The following CACNA2D3 variants were observed in gnomAD, a reference collection of about 807,000 sequenced individuals.
The protein encoded by CACNA2D3 is calcium voltage-gated channel auxiliary subunit alpha2delta 3.
A neutral mutation model predicts 160.6 loss-of-function variants in CACNA2D3; 60 were observed. That is an observed-to-expected ratio of 0.37 (90% CI 0.30 to 0.46). CACNA2D3 has a LOEUF of 0.46. Among genes scored for constraint, CACNA2D3 ranks in the 20% least tolerant of loss-of-function variants. The probability of loss-of-function intolerance (pLI) is 1.00; values close to 1 mark genes in which losing one functional copy is unlikely to be tolerated. For missense variants in CACNA2D3, 1,205 were observed against 1,365.0 expected (o/e 0.88, Z 1.85); for synonymous variants, 558 against 492.9 (o/e 1.13, Z -1.75).
At chr3:54,315,367 G>C (rs567192359) in intron 2 of CACNA2D3, among the ~76,000 whole-genome samples, 2 of 152,226 alleles carry the variant, frequency 1.3e-5, no homozygotes, top group Non-Finnish European at 2.9e-5. Flanking sequence ...TGGAACAGTC[G>C]TGTAAACTGC....
intron 14 of CACNA2D3, among the ~76,000 whole-genome samples, chr3:54,820,052 A>G (rs1267308725): frequency 6.6e-6 from 1 of 152,060 alleles, no homozygotes; most frequent in Non-Finnish European, 1.5e-5. Flanking sequence ...GCTCTTTCCA[A>G]ACCCCTGAGT....
rs183750577 is a variant in CACNA2D3 at position 54,788,178 on chromosome 3, G to A, written c.1380+23827G>A. Among the ~76,000 whole-genome samples the A allele has an allele frequency of 1.6e-3, 238 of 152,272 alleles. 5 individuals are homozygous for A. The highest frequency in any genetic ancestry group is 0.015 in the Admixed American group (237 of 15,294). Reference sequence around the variant, plus strand: ...TTTAACTGAGTAATCTCATCTGTCAGTCATGATATTACTGTGGGTCATAAG... The same window carrying A: ...TTTAACTGAGTAATCTCATCTGTCAATCATGATATTACTGTGGGTCATAAG... On this transcript the variant is annotated intron_variant, in intron 13 of 37. Coordinates refer to ENST00000474759, the MANE Select transcript of CACNA2D3 (RefSeq NM_018398.3).
At chr3:54,425,009 C>T (rs570352005) in intron 4 of CACNA2D3, among the ~76,000 whole-genome samples, 1 of 152,278 alleles carries the variant, frequency 6.6e-6, no homozygotes, top group East Asian at 1.9e-4. Context: ...TTGAAGCAGC[C>T]TCAGCTAGTG....
At chr3:54,164,356 G>A (rs1330496517) in intron 2 of CACNA2D3, among the ~76,000 whole-genome samples, 1 of 152,286 alleles carries the variant, frequency 6.6e-6, no homozygotes, top group African/African-American at 2.4e-5. Flanking sequence ...CTCTGCTGCC[G>A]CAGGATGGGA....
At chr3:54,201,070 G>A (rs951920093) in intron 2 of CACNA2D3, among the ~76,000 whole-genome samples, 1 of 152,214 alleles carries the variant, frequency 6.6e-6, no homozygotes, top group African/African-American at 2.4e-5. Flanking sequence ...GAGACGCTCT[G>A]TAAATGTGAA....
chr3:54,161,133 C>T (rs1367126140), intron 2 of CACNA2D3, among the ~76,000 whole-genome samples: 1 of 152,126 alleles, frequency 6.6e-6, no homozygotes, highest in African/African-American at 2.4e-5. Flanking sequence ...GAAATTATTC[C>T]CTTCACACAC....
chr3:54,961,269 A>G (rs1702024069), intron 27 of CACNA2D3, among the ~76,000 whole-genome samples: 1 of 152,226 alleles, frequency 6.6e-6, no homozygotes, highest in Non-Finnish European at 1.5e-5. Flanking sequence ...TAACCAAGCC[A>G]TGTAAAAATA....
At chr3:54,410,227 A>T (rs1029453025) in intron 4 of CACNA2D3, among the ~76,000 whole-genome samples, 4 of 152,050 alleles carry the variant, frequency 2.6e-5, no homozygotes, top group Non-Finnish European at 4.4e-5. Context: ...GGTGGCTTGC[A>T]TGTGTAATAC....
intron 13 of CACNA2D3, among the ~76,000 whole-genome samples, chr3:54,766,722 A>G (rs1243824056): frequency 6.6e-6 from 1 of 152,154 alleles, no homozygotes; most frequent in African/African-American, 2.4e-5. Context: ...TGAATAGACT[A>G]TGGTACCTAC....
chr3:54,741,642 G>A (rs1275706980), intron 11 of CACNA2D3, among the ~76,000 whole-genome samples: 1 of 151,812 alleles, frequency 6.6e-6, no homozygotes, highest in Non-Finnish European at 1.5e-5. Flanking sequence ...CTCTGCAGTG[G>A]TCCTCTTTGT....
At chr3:54,935,481 G>GA (rs1701304690) in intron 27 of CACNA2D3, among the ~76,000 whole-genome samples, 1 of 152,324 alleles carries the variant, frequency 6.6e-6, no homozygotes, top group African/African-American at 2.4e-5. Context: ...AACGGATCAA[G>GA]AAACATGGCA....
chr3:54,148,974 C>CTAAAAAAAAAAAAAAAAA (rs1553735007), intron 2 of CACNA2D3, among the ~76,000 whole-genome samples: 1 of 116,588 alleles, frequency 8.6e-6, no homozygotes. Flanking sequence ...AAAACTCCAT[C>CTAAAAAAAAAAAAAAAAA]AAAAAAAAAA....
At chr3:54,650,411 G>A (rs985888831) in intron 11 of CACNA2D3, among the ~76,000 whole-genome samples, 7 of 151,028 alleles carry the variant, frequency 4.6e-5, no homozygotes, top group African/African-American at 1.7e-4. Context: ...GCCCAGGCTG[G>A]AGTGTAGTGG....
intron 5 of CACNA2D3, among the ~76,000 whole-genome samples, chr3:54,551,232 C>G (rs1429783775): frequency 6.6e-6 from 1 of 152,198 alleles, no homozygotes; most frequent in Non-Finnish European, 1.5e-5. Context: ...CCTCTGCGTT[C>G]TGCAGATTCC....
chr3:54,338,636 C>T (rs185171635), intron 3 of CACNA2D3, among the ~76,000 whole-genome samples: 7 of 152,182 alleles, frequency 4.6e-5, no homozygotes, highest in Admixed American at 2.6e-4. Context: ...AAGGGCTTGT[C>T]GCTTATGGGC....
At chr3:54,495,651 A>C (rs1379281910) in intron 4 of CACNA2D3, among the ~76,000 whole-genome samples, 1 of 152,164 alleles carries the variant, frequency 6.6e-6, no homozygotes, top group Non-Finnish European at 1.5e-5. Context: ...TGGGAGGCTG[A>C]AGCAGGAGGA....
At chr3:54,991,370 A>G (rs1000426317) in intron 31 of CACNA2D3, among the ~76,000 whole-genome samples, 18 of 152,006 alleles carry the variant, frequency 1.2e-4, no homozygotes, top group Admixed American at 2.0e-4. Context: ...CTACAGGTGC[A>G]CACCACCATG....
intron 35 of CACNA2D3, among the ~76,000 whole-genome samples, chr3:55,067,855 AC>A (rs1704700218): frequency 6.6e-6 from 1 of 152,234 alleles, no homozygotes; most frequent in African/African-American, 2.4e-5. Flanking sequence ...CCTAGAGGTT[AC>A]AAAACAAAAA....
chr3:54,602,561 C>T (rs114664299), intron 9 of CACNA2D3, among the ~76,000 whole-genome samples: 131 of 147,940 alleles, frequency 8.9e-4, no homozygotes, highest in Non-Finnish European at 1.5e-3. Context: ...GAGCATTAAA[C>T]CAAGGGCAGA....
Sources: gnomAD v4.1 joint callset for allele counts (sites outside exome capture counted in the v4.1 genomes callset) on GRCh38, gnomAD v4.1.1 for gene constraint, MANE v1.5 for transcripts, NCBI Gene and HGNC (gene_info 2026-07-23, HGNC 2026-07-21) for gene names.